CDH18: variants seen among roughly 807,000 people sequenced by gnomAD.
CDH18 encodes cadherin 18.
CDH18 carries 31 observed loss-of-function variants against 67.9 expected under a neutral mutation model. The observed-to-expected ratio is 0.46, with a 90% confidence interval of 0.34 to 0.62. CDH18 has a LOEUF of 0.62. CDH18 is among the 20% of genes least tolerant of loss of function. The pLI is 0.01. For synonymous variants in CDH18, 362 were observed against 347.2 expected, an observed-to-expected ratio of 1.04 and a Z score of -0.48; for missense variants, 890 against 975.5, an observed-to-expected ratio of 0.91 and a Z score of 1.17.
At chr5:20,023,658 C>CAAAAAA (rs58583654) in intron 2 of CDH18, among the ~76,000 whole-genome samples, 1 of 84,020 alleles carries the variant, frequency 1.2e-5, no homozygotes, top group Non-Finnish European at 2.5e-5. Flanking sequence ...GACTCCGTCT[C>CAAAAAA]AAAAAAAAAA....
chr5:19,981,540 C>A (rs982992337), intron 1 of CDH18, among the ~76,000 whole-genome samples: 7 of 152,240 alleles, frequency 4.6e-5, no homozygotes, highest in Admixed American at 2.0e-4. Context: ...AGGAAGTGAA[C>A]CCACTCCCAA....
At chr5:20,542,590 CATTTCTATACAA>C (rs1757114717) in intron 1 of CDH18, among the ~76,000 whole-genome samples, 1 of 151,622 alleles carries the variant, frequency 6.6e-6, no homozygotes. Flanking sequence ...ATTATAGTTG[CATTTCTATACAA>C]ATTTTTAATG....
At chr5:20,023,523 G>A (rs958607973) in intron 2 of CDH18, among the ~76,000 whole-genome samples, 1 of 151,988 alleles carries the variant, frequency 6.6e-6, no homozygotes, top group African/African-American at 2.4e-5. Flanking sequence ...GCCGGGCGTG[G>A]TGGCGGGCAC....
At chr5:20,166,278 T>C (rs910286503) in intron 2 of CDH18, among the ~76,000 whole-genome samples, 1 of 150,946 alleles carries the variant, frequency 6.6e-6, no homozygotes, top group African/African-American at 2.4e-5. Context: ...CTGTCTCTAC[T>C]AAAAATAAAA....
At chr5:19,913,120 C>T (rs1361532791) in intron 2 of CDH18, among the ~76,000 whole-genome samples, 1 of 152,024 alleles carries the variant, frequency 6.6e-6, no homozygotes, top group Non-Finnish European at 1.5e-5. Context: ...CAAAAATTGA[C>T]ATCTTGAGTG....
At chr5:20,004,681 TA>T (rs1736744720) in intron 2 of CDH18, among the ~76,000 whole-genome samples, 1 of 152,212 alleles carries the variant, frequency 6.6e-6, no homozygotes, top group Non-Finnish European at 1.5e-5. Context: ...CAAACCTTTA[TA>T]AATAGTTCAA....
intron 1 of CDH18, among the ~76,000 whole-genome samples, chr5:20,515,670 A>G (rs1755325057): frequency 6.6e-6 from 1 of 152,080 alleles, no homozygotes; most frequent in Non-Finnish European, 1.5e-5. Context: ...TGTATTGTGG[A>G]GTGTCTGCCT....
intron 9 of CDH18, among the ~76,000 whole-genome samples, chr5:19,525,799 C>A (rs891849872): frequency 6.6e-6 from 1 of 152,110 alleles, no homozygotes; most frequent in Non-Finnish European, 1.5e-5. Flanking sequence ...GTATTTTACC[C>A]TTTAAATGTC....
rs1735857738 is a variant in CDH18 at position 19,543,933 on chromosome 5, A to C, written c.1326T>G (p.Thr442=). ...NIDANTGTIR[T]TKVLDREETP... Reference sequence around the variant, plus strand: ...TTTCTTCTCTGTCGAGAACCTTTGTAGTCCTAATGGTCCCAGTATTGGCAT... The same window carrying C: ...TTTCTTCTCTGTCGAGAACCTTTGTCGTCCTAATGGTCCCAGTATTGGCAT... The change falls in exon 9 of 13, where the codon ACT becomes ACG. Residue 442 remains threonine, a synonymous_variant. Coordinates refer to ENST00000382275, the MANE Select transcript of CDH18 (RefSeq NM_004934.5). 1 of 1,597,668 alleles carries C rather than the reference A, an allele frequency of 6.3e-7. No homozygotes were observed. The highest frequency in any genetic ancestry group is 1.7e-5 in the Admixed American group (1 of 59,830).
intron 11 of CDH18, among the ~76,000 whole-genome samples, chr5:19,490,889 T>C (rs1318959624): frequency 6.6e-6 from 1 of 152,172 alleles, no homozygotes; most frequent in Admixed American, 6.6e-5. Flanking sequence ...AATGTTTCTA[T>C]GTTTTACATA....
intron 2 of CDH18, among the ~76,000 whole-genome samples, chr5:20,242,118 C>T (rs1206822648): frequency 2.6e-5 from 4 of 151,376 alleles, no homozygotes; most frequent in Non-Finnish European, 5.9e-5. Context: ...TAAAATATAA[C>T]TTTACAATGG....
Position 19,822,487 on chromosome 5 carries a change from A to C in CDH18, c.228+16272T>G, listed in dbSNP as rs560059336. Reference sequence around the variant, plus strand: ...TTTCTATTTTCCCTAAGTGTCAGCCAGTTTGAGAAATAAAGGGACAGAGTA... The same window carrying C: ...TTTCTATTTTCCCTAAGTGTCAGCCCGTTTGAGAAATAAAGGGACAGAGTA... On this transcript the variant is annotated intron_variant, in intron 3 of 12. Coordinates refer to ENST00000382275, the MANE Select transcript of CDH18 (RefSeq NM_004934.5). 1.4e-4 allele frequency among the ~76,000 whole-genome samples: 21 copies of C among 152,278 alleles called. No individual in the cohort carries two copies. In the East Asian group the frequency reaches 3.9e-3, roughly 28 times the overall value.
At chr5:20,534,902 C>T (rs1756627603) in intron 1 of CDH18, among the ~76,000 whole-genome samples, 1 of 151,626 alleles carries the variant, frequency 6.6e-6, no homozygotes, top group African/African-American at 2.4e-5. Context: ...AGTGCAGCAG[C>T]ACAATCATAG....
chr5:20,062,801 A>T (rs1010693057), intron 2 of CDH18, among the ~76,000 whole-genome samples: 6 of 152,174 alleles, frequency 3.9e-5, no homozygotes, highest in African/African-American at 1.4e-4. Context: ...TAAATTTAGG[A>T]CTGAATGCTT....
chr5:19,826,262 G>A (rs75201878), intron 3 of CDH18, among the ~76,000 whole-genome samples: 137 of 152,124 alleles, frequency 9.0e-4, no homozygotes, highest in East Asian at 2.7e-3. Context: ...TCAGTGGCTC[G>A]CTGAAAGAGA....
intron 2 of CDH18, among the ~76,000 whole-genome samples, chr5:20,113,018 C>T (rs1002750175): frequency 6.6e-6 from 1 of 152,206 alleles, no homozygotes; most frequent in Non-Finnish European, 1.5e-5. Context: ...AAATCAGACA[C>T]ATTACAATCA....
At chr5:19,946,014 C>T (rs937348423) in intron 2 of CDH18, among the ~76,000 whole-genome samples, 1 of 151,932 alleles carries the variant, frequency 6.6e-6, no homozygotes, top group African/African-American at 2.4e-5. Flanking sequence ...GGGAAAGAAG[C>T]TCACACAGGA....
chr5:20,037,060 C>A (rs1181922415), intron 2 of CDH18, among the ~76,000 whole-genome samples: 1 of 151,942 alleles, frequency 6.6e-6, no homozygotes, highest in African/African-American at 2.4e-5. Context: ...GGTCTTGACT[C>A]TTTATCCAAT....
chr5:19,847,747 A>G (rs1445684236), intron 2 of CDH18, among the ~76,000 whole-genome samples: 2 of 151,466 alleles, frequency 1.3e-5, no homozygotes, highest in African/African-American at 4.8e-5. Flanking sequence ...CTCCAACTAA[A>G]CTAAGATTCC....
Sources: gnomAD v4.1 joint callset for allele counts (sites outside exome capture counted in the v4.1 genomes callset) on GRCh38, gnomAD v4.1.1 for gene constraint, MANE v1.5 for transcripts, NCBI Gene and HGNC (gene_info 2026-07-23, HGNC 2026-07-21) for gene names.